The following UNC45B variants were observed in gnomAD, a reference collection of about 807,000 sequenced individuals.
The protein encoded by UNC45B is protein unc-45 homolog B.
UNC45B carries 78 observed loss-of-function variants against 98.7 expected under a neutral mutation model. The ratio of observed to expected loss-of-function variants is 0.79; its 90% confidence interval spans 0.66 to 0.95. The LOEUF (loss-of-function observed/expected upper bound fraction) is 0.95. UNC45B is among the 40% of genes least tolerant of loss of function. The pLI is 0.00. For synonymous variants in UNC45B, 462 were observed against 480.4 expected, an observed-to-expected ratio of 0.96 and a Z score of 0.50; for missense variants, 1,225 against 1,184.9, an observed-to-expected ratio of 1.03 and a Z score of -0.50.
Position 35,155,424 on chromosome 17 carries a change from C to G in UNC45B, c.768C>G (p.Asp256Glu). 6.2e-7 allele frequency: 1 copy of G among 1,614,156 alleles called. No individual in the cohort carries two copies. Among genetic ancestry groups the G allele is most frequent in the Non-Finnish European group, 8.5e-7 (1 of 1,180,030 alleles). Residue 256 changes from aspartate (D) to glutamate (E), a missense_variant, in exon 7 of 20, where the codon GAC becomes GAG. Coordinates refer to ENST00000394570, the MANE Select transcript of UNC45B (RefSeq NM_001267052.2). Reference protein sequence around the residue: ...QAIIDSLSGEDKREHRGKEEA... With the variant: ...QAIIDSLSGEEKREHRGKEEA... ...TCATTGACTCCTTGTCTGGGGAGGA[C>G]AAGCGGGAGCATCGAGGGAAGGAGG...
At chr17:35,174,594 A>C (rs2092213916) in intron 14 of UNC45B, among the ~76,000 whole-genome samples, 1 of 152,124 alleles carries the variant, frequency 6.6e-6, no homozygotes, top group African/African-American at 2.4e-5. Flanking sequence ...CCCAGGTGGG[A>C]GGATTGCTTG....
At chr17:35,175,067 GA>G (rs2092220509) in intron 14 of UNC45B, among the ~76,000 whole-genome samples, 1 of 99,322 alleles carries the variant, frequency 1.0e-5, no homozygotes, top group African/African-American at 3.6e-5. Context: ...AAAGAAGAAA[GA>G]AAGAAAGAAA....
chr17:35,148,431 G>T lies in UNC45B; in HGVS notation c.168G>T (p.Thr56=). Residue 56 remains threonine, a splice_region_variant and synonymous_variant, in exon 2 of 20, where the codon ACG becomes ACT. Transcript: ENST00000394570. ...ACCGGGCAGCCTGTGGCCTGAAAAC[G>T]GTCTGGGGCAGGGCAGGGCACAGGG... The part of the protein sequence containing the change: ...YRNRAACGLK[T]ESYVQAASDA... The T allele has an allele frequency of 6.2e-7, 1 of 1,613,496 alleles. No homozygotes were observed. Among genetic ancestry groups the T allele is most frequent in the South Asian group, 1.1e-5 (1 of 91,058 alleles).
intron 5 of UNC45B, among the ~76,000 whole-genome samples, chr17:35,153,300 CT>C (rs1221384879): frequency 6.6e-6 from 1 of 152,142 alleles, no homozygotes; most frequent in African/African-American, 2.4e-5. Context: ...TTATTGAGTT[CT>C]TTGGTGCCCC....
rs1003911272 is a variant in UNC45B, at chr17:35,176,007, C to T, written c.1998C>T (p.Gly666=). 1.3e-5 allele frequency: 21 copies of T among 1,614,174 alleles called. No individual in the cohort carries two copies. The highest frequency in any genetic ancestry group is 1.7e-5 in the Non-Finnish European group (20 of 1,180,022). The change falls in exon 15 of 20, where the codon GGC becomes GGT. Residue 666 remains glycine, a synonymous_variant. Transcript: ENST00000394570. ...LALCDNPKDR[G]TIVAQGGGKA... Reference sequence around the variant, plus strand: ...TGTGTGACAACCCAAAGGACCGAGGCACCATTGTGGCTCAAGGTGGTGGCA... The same window carrying T: ...TGTGTGACAACCCAAAGGACCGAGGTACCATTGTGGCTCAAGGTGGTGGCA...
Position 35,154,919 on chromosome 17 carries a change from C to T in UNC45B, c.639+178C>T, listed in dbSNP as rs182912248. Among the ~76,000 whole-genome samples, 9 of 152,382 alleles carry T rather than the reference C, an allele frequency of 5.9e-5. No individual in the cohort carries two copies. In the East Asian group the frequency reaches 1.7e-3, roughly 29 times the overall value. ...GGTTTCACTAAGCAAAGACAAGTTA[C>T]TGAAAGTGCCTAAGGCAGAAGTGAT... On this transcript the variant is annotated intron_variant, in intron 6 of 19. Coordinates refer to ENST00000394570, the MANE Select transcript of UNC45B (RefSeq NM_001267052.2).
Position 35,177,549 on chromosome 17 carries a change from C to T in UNC45B, c.2194C>T (p.Leu732Phe). 6.4e-7 allele frequency: 1 copy of T among 1,566,362 alleles called. No homozygotes were observed. Among genetic ancestry groups the T allele is most frequent in the Non-Finnish European group, 8.7e-7 (1 of 1,154,394 alleles). ...VRLLDTQRDG[L>F]QNYEALLGLT... Reference sequence around the variant, plus strand: ...ACTCTTGGACACACAGAGGGATGGGCTTCAGAACTATGAGGCTCTCCTAGG... The same window carrying T: ...ACTCTTGGACACACAGAGGGATGGGTTTCAGAACTATGAGGCTCTCCTAGG... Residue 732 changes from leucine (L) to phenylalanine (F), a missense_variant, in exon 17 of 20, where the codon CTT becomes TTT. Coordinates refer to ENST00000394570, the MANE Select transcript of UNC45B (RefSeq NM_001267052.2).
intron 16 of UNC45B, 50 bp from the exon 17 acceptor site, chr17:35,177,445 T>G: frequency 7.2e-7 from 1 of 1,389,578 alleles, no homozygotes; most frequent in Non-Finnish European, 9.9e-7. Flanking sequence ...TGTGAGGCAC[T>G]CAGGGAACAA....
intron 3 of UNC45B, among the ~76,000 whole-genome samples, chr17:35,149,815 C>T (rs1441058629): frequency 2.0e-5 from 3 of 152,184 alleles, no homozygotes; most frequent in Non-Finnish European, 4.4e-5. Flanking sequence ...GAGACTGGAG[C>T]GTTAAGAATT....
At chr17:35,158,849 A>G (rs2142544012) in intron 7 of UNC45B, among the ~76,000 whole-genome samples, 1 of 152,320 alleles carries the variant, frequency 6.6e-6, no homozygotes, top group Middle Eastern at 3.4e-3. Context: ...GAATGAGAAC[A>G]AAAATCTCTA....
intron 4 of UNC45B, among the ~76,000 whole-genome samples, chr17:35,150,602 T>A (rs1264097098): frequency 6.6e-6 from 1 of 152,014 alleles, no homozygotes; most frequent in East Asian, 1.9e-4. Flanking sequence ...ATACAAAAAA[T>A]AGCCGGATGT....
chr17:35,163,401 T>C (rs2092115495), intron 8 of UNC45B, among the ~76,000 whole-genome samples: 1 of 152,160 alleles, frequency 6.6e-6, no homozygotes, highest in Admixed American at 6.5e-5. Flanking sequence ...GACTGTTGAA[T>C]TTGCCCAACG....
In UNC45B at chr17:35,187,963, T is replaced by C. The variant is rs1357295221; in HGVS notation, c.*1404T>C. 6.6e-6 allele frequency: 1 copy of C among 152,216 alleles called. No homozygotes were observed. The highest frequency in any genetic ancestry group is 1.5e-5 in the Non-Finnish European group (1 of 68,044). The allele number at this position is 152,216 out of a possible 1,614,324, so 9.4% of individuals were successfully genotyped here. A position where few individuals can be genotyped will look rare whatever the true frequency, so the allele number is the denominator to read the frequency against. ...GATAAAAACAATTTACAACGTTCCG[T>C]TGTGTAATAAATGTAAGTGTACATA... On this transcript the variant is annotated 3_prime_UTR_variant, in exon 20 of 20. Transcript: ENST00000394570.
In UNC45B at chr17:35,152,973, G is replaced by A. The variant is rs755370422; in HGVS notation, c.462G>A (p.Lys154=). The part of the protein sequence containing the change: ...ILLDENSEAD[K]REKAANNLIV... ...TGGATGAAAACAGTGAGGCTGATAA[G>A]CGGGAAAAGGTGAGTGCTGGCCAGT... Residue 154 remains lysine (K), a synonymous_variant, in exon 5 of 20, where the codon AAG becomes AAA. Transcript: ENST00000394570. 2.5e-6 allele frequency: 4 copies of A among 1,613,472 alleles called. No homozygotes were observed. The South Asian group carries it at 4.4e-5, about 18-fold the overall frequency.
chr17:35,163,723 C>T (rs1009638600), intron 8 of UNC45B, among the ~76,000 whole-genome samples: 4 of 152,162 alleles, frequency 2.6e-5, no homozygotes, highest in Non-Finnish European at 4.4e-5. Flanking sequence ...AATGTCAGCA[C>T]TGGTAGAGTC....
intron 19 of UNC45B, 71 bp from the exon 20 acceptor site, chr17:35,186,228 C>T: frequency 6.3e-7 from 1 of 1,576,014 alleles, no homozygotes; most frequent in African/African-American, 1.3e-5. Flanking sequence ...CCAGGGACCA[C>T]ATTTCCAACA....
chr17:35,181,033 A>G (rs1006960060), intron 18 of UNC45B, among the ~76,000 whole-genome samples: 3 of 152,164 alleles, frequency 2.0e-5, no homozygotes, highest in Non-Finnish European at 2.9e-5. Flanking sequence ...GACCACTTGC[A>G]TTTATTGAAG....
chr17:35,187,692 A>G lies in UNC45B; in HGVS notation c.*1133A>G, dbSNP rs1053488442. On this transcript the variant is annotated 3_prime_UTR_variant, in exon 20 of 20. Transcript: ENST00000394570. Reference sequence around the variant, plus strand: ...AATGGAAGAGGTGTGCCACCACAAAAGAATGTACCCTGGGCAGATCAAAGA... The same window carrying G: ...AATGGAAGAGGTGTGCCACCACAAAGGAATGTACCCTGGGCAGATCAAAGA... 6.6e-6 allele frequency: 1 copy of G among 152,246 alleles called. No homozygotes were observed. Among genetic ancestry groups the G allele is most frequent in the African/African-American group, 2.4e-5 (1 of 41,472 alleles). The allele number at this position is 152,246 out of a possible 1,614,324, so 9.4% of individuals were successfully genotyped here.
At chr17:35,160,809 C>T (rs2092097728) in intron 8 of UNC45B, among the ~76,000 whole-genome samples, 1 of 152,254 alleles carries the variant, frequency 6.6e-6, no homozygotes, top group African/African-American at 2.4e-5. Flanking sequence ...TGTTACCCCT[C>T]TCCTCAATCA....
Sources: allele counts gnomAD v4.1 joint callset (sites outside exome capture counted in the v4.1 genomes callset), GRCh38; gene constraint gnomAD v4.1.1; transcripts MANE v1.5; gene names NCBI Gene and HGNC (gene_info 2026-07-23, HGNC 2026-07-21).